The following TRPV2 variants were observed in gnomAD, a reference collection of about 807,000 sequenced individuals.
The protein encoded by TRPV2 is OTRPC2.
Under a neutral mutation model 91.0 loss-of-function variants are expected in TRPV2, and 58 were observed. The observed-to-expected ratio is 0.64, with a 90% CI of 0.52 to 0.79. TRPV2 has a LOEUF of 0.79. Among genes scored for constraint, TRPV2 ranks in the 30% least tolerant of loss-of-function variants. The probability of loss-of-function intolerance (pLI) is 0.00; values close to 1 mark genes in which losing one functional copy is unlikely to be tolerated. For missense variants in TRPV2, 807 were observed against 969.6 expected (o/e 0.83, Z 2.23); for synonymous variants, 417 against 414.8 (o/e 1.01, Z -0.06).
intron 8 of TRPV2, 39 bp from the exon 9 acceptor site, chr17:16,428,278 A>C (rs1434141237): frequency 1.2e-6 from 2 of 1,601,704 alleles, no homozygotes; most frequent in African/African-American, 2.7e-5. Context: ...CATGCGGGAG[A>C]GCAGGTTTCA....
intron 10 of TRPV2, among the ~76,000 whole-genome samples, chr17:16,429,189 T>C (rs547736483): frequency 2.0e-5 from 3 of 152,352 alleles, no homozygotes; most frequent in African/African-American, 7.2e-5. Context: ...CGTACATATG[T>C]GTGTTTGCAG....
intron 10 of TRPV2, among the ~76,000 whole-genome samples, chr17:16,431,011 T>C (rs1278016016): frequency 6.6e-6 from 1 of 151,680 alleles, no homozygotes; most frequent in Non-Finnish European, 1.5e-5. Context: ...ACAGTAGTTC[T>C]ATATTTTATT....
Position 16,434,952 on chromosome 17 carries a change from C to T in TRPV2, c.2177C>T (p.Ser726Leu), listed in dbSNP as rs2093429220. Residue 726 changes from serine (S) to leucine (L), a missense_variant, in exon 14 of 15, where the codon TCA (serine) becomes TTA (leucine). By Grantham distance (145) the Ser-to-Leu change is moderately radical. Transcript: ENST00000338560. The stretch of plus-strand genomic sequence containing the variant: ...CTGCCTACGCTGTGTGAGGACCCGT[C>T]AGGGGCAGGTGTCCCTCGTGAGTAG... ...QTLPTLCEDPSGAGVPRTLEN... is the reference protein window; with the variant it reads ...QTLPTLCEDPLGAGVPRTLEN... 1.2e-6 allele frequency: 2 copies of T among 1,610,428 alleles called. No individual in the cohort carries two copies. The highest frequency in any genetic ancestry group is 1.1e-5 in the South Asian group (1 of 90,450).
At chr17:16,417,264 T>C (rs1293598184) in intron 1 of TRPV2, among the ~76,000 whole-genome samples, 1 of 151,562 alleles carries the variant, frequency 6.6e-6, no homozygotes, top group East Asian at 1.9e-4. Context: ...AATTTTTTTT[T>C]TTTTTTTTTT....
At position 16,433,754 on chromosome 17, in the gene TRPV2, GCCC is replaced by G; in HGVS notation, c.2114+60_2114+62del. On this transcript the variant is annotated intron_variant, in intron 13 of 14. Coordinates refer to ENST00000338560, the MANE Select transcript of TRPV2 (RefSeq NM_016113.5). ...GCCTTGCTGTCCAGCAATCCCTGGG[GCCC>G]CCCTGCAGTGCAGGGCACAGCTGCC... is the stretch of plus-strand genomic sequence containing the variant. 2.5e-6 allele frequency: 4 copies of G among 1,597,146 alleles called. No homozygotes were observed. In the South Asian group the frequency reaches 4.5e-5, roughly 18 times the overall value.
In TRPV2 at chr17:16,435,648, TCCC is replaced by T. The variant is rs2093431488; in HGVS notation, c.2194+680_2194+682del. On this transcript the variant is annotated intron_variant, in intron 14 of 14. Coordinates refer to ENST00000338560, the MANE Select transcript of TRPV2 (RefSeq NM_016113.5). This position sits in a 1 kb window ranked among gnomAD's most constrained non-coding sequence, Gnocchi z 4.2. ...CTTTCTTTCTAGAACCTTCAATAGCTCCCACCTTCCACTGGTTCACCTCCTCTC... is the reference window on the plus strand; with the variant it reads ...CTTTCTTTCTAGAACCTTCAATAGCTACCTTCCACTGGTTCACCTCCTCTC... Among the ~76,000 whole-genome samples the T allele has an allele frequency of 6.6e-6, 1 of 151,974 alleles. No individual in the cohort carries two copies. The highest frequency in any genetic ancestry group is 2.4e-5 in the African/African-American group (1 of 41,354).
chr17:16,433,738 T>C (rs773777949), intron 13 of TRPV2, 40 bp downstream of exon 13: 2 of 1,606,178 alleles, frequency 1.2e-6, no homozygotes, highest in East Asian at 4.5e-5. Flanking sequence ...GGCCTTGCTG[T>C]CCAGCAATCC....
rs764814997 is a variant in TRPV2, at chr17:16,420,140, C to G, written c.226C>G (p.Arg76Gly). ...TCAGCCGGATCCAAACCGATTTGAC[C>G]GAGATCGGCTCTTCAATGCGGTCTC... ...ASQPDPNRFD[R>G]DRLFNAVSRG... is the part of the protein sequence containing the mutation. The change falls in exon 3 of 15, where the codon CGA (arginine) becomes GGA (glycine). Residue 76 changes from arginine (R) to glycine (G), a missense_variant. By Grantham distance (125) the Arg-to-Gly change is moderately radical (BLOSUM62 -2). Coordinates refer to ENST00000338560, the MANE Select transcript of TRPV2 (RefSeq NM_016113.5). 17 of 1,613,744 alleles carry G rather than the reference C, an allele frequency of 1.1e-5. 1 individual carries two copies. In the South Asian group the frequency reaches 1.9e-4, roughly 18 times the overall value.
intron 1 of TRPV2, 84 bp from the exon 2 acceptor site, chr17:16,417,478 C>G: frequency 1.8e-6 from 1 of 555,214 alleles, no homozygotes; most frequent in South Asian, 2.0e-5. Flanking sequence ...AGCTGACCAG[C>G]CAGCCTCAGC....
In TRPV2 at chr17:16,422,868, C is replaced by G; in HGVS notation, c.604C>G (p.Gln202Glu). ...CTGCGGCCGCTTCTTCCAGAAGGGC[C>G]AAGGGACTTGCTTTTATTTCGGTGA... ...RACGRFFQKGQGTCFYFGELP... is the reference protein window; with the variant it reads ...RACGRFFQKGEGTCFYFGELP... The change falls in exon 4 of 15, where the codon CAA (glutamine) becomes GAA (glutamate). Residue 202 changes from glutamine to glutamate, a missense_variant. Gln to Glu is a conservative substitution (Grantham distance 29). Transcript: ENST00000338560. 1.3e-6 allele frequency: 2 copies of G among 1,566,300 alleles called. No homozygotes were observed. Among genetic ancestry groups the G allele is most frequent in the South Asian group, 1.2e-5 (1 of 85,536 alleles).
rs980104777 is a variant in TRPV2, at chr17:16,426,935, TG to T, written c.1251+63del. 6.4e-7 allele frequency: 1 copy of T among 1,556,060 alleles called. No homozygotes were observed. Among genetic ancestry groups the T allele is most frequent in the Non-Finnish European group, 8.7e-7 (1 of 1,149,244 alleles). On this transcript the variant is annotated intron_variant, in intron 7 of 14. Transcript: ENST00000338560. This position sits in a 1 kb window ranked among gnomAD's most constrained non-coding sequence, Gnocchi z 6.0. ...GGGGGAGGCCTGCTTGAAACAACCC[TG>T]GGGGAAGATGGGGCAGTAATAGTGC...
chr17:16,431,894 G>A (rs2093414420), intron 11 of TRPV2, 44 bp downstream of exon 11: 1 of 1,613,346 alleles, frequency 6.2e-7, no homozygotes, highest in South Asian at 1.1e-5. Flanking sequence ...CACGTTCCTT[G>A]TCCACCCTGT....
chr17:16,431,272 TA>T (rs2093408867), intron 10 of TRPV2, among the ~76,000 whole-genome samples: 1 of 75,390 alleles, frequency 1.3e-5, no homozygotes, highest in Non-Finnish European at 2.5e-5. Flanking sequence ...TATATATATA[TA>T]TATATATATA....
At chr17:16,423,399 C>T in intron 4 of TRPV2, 70 bp from the exon 5 acceptor site, 1 of 1,513,032 alleles carries the variant, frequency 6.6e-7, no homozygotes, top group East Asian at 2.3e-5. Flanking sequence ...GCCTTTTGTC[C>T]AAGGAGCATG....
At chr17:16,428,514 C>G in intron 9 of TRPV2, 127 bp downstream of exon 9, 1 of 1,021,262 alleles carries the variant, frequency 9.8e-7, no homozygotes, top group South Asian at 1.4e-5. Context: ...GATCTGTGTA[C>G]AGGCCAGTCC....
At position 16,422,496 on chromosome 17, in the gene TRPV2, C is replaced by T. The variant is rs1180737812; in HGVS notation, c.335-103C>T. 9.9e-6 allele frequency: 12 copies of T among 1,210,246 alleles called. No homozygotes were observed. The Admixed American group carries it at 1.8e-4, about 18-fold the overall frequency. 75.0% of individuals were successfully genotyped at this position (1,210,246 alleles called of 1,614,324 possible). On this transcript the variant is annotated intron_variant, in intron 3 of 14. Transcript: ENST00000338560. ...GTTATGTGTAGCATCTCTTTTAATCCTCCCAAGGGGTACTTTGAGCTGGGC... is the reference window on the plus strand; with the variant it reads ...GTTATGTGTAGCATCTCTTTTAATCTTCCCAAGGGGTACTTTGAGCTGGGC...
At position 16,428,816 on chromosome 17, in the gene TRPV2, G is replaced by A. The variant is rs755928018; in HGVS notation, c.1422-1G>A. 6.2e-7 allele frequency: 1 copy of A among 1,613,022 alleles called. No individual in the cohort carries two copies. Among genetic ancestry groups the A allele is most frequent in the African/African-American group, 1.3e-5 (1 of 75,030 alleles). On this transcript the variant is annotated splice_acceptor_variant, in intron 9 of 14. Transcript: ENST00000338560. LOFTEE classifies it high-confidence loss of function. ...CCCACCTGGATTCTGCTCCCACACA[G>A]CCTGTTCCAGGCCCTGCTCACAGTG...
chr17:16,433,278 G>GGAAC (rs1186695692), intron 12 of TRPV2: 1 of 302,128 alleles, frequency 3.3e-6, no homozygotes, highest in Non-Finnish European at 6.3e-6. Flanking sequence ...TCTGGAGCCT[G>GGAAC]GAACGATGTA....
At chr17:16,428,586 T>G in intron 9 of TRPV2, 199 bp downstream of exon 9, 1 of 707,506 alleles carries the variant, frequency 1.4e-6, no homozygotes. Flanking sequence ...TAGATGGTGA[T>G]AGTGACATTT....
Sources: gnomAD v4.1 joint callset for allele counts (sites outside exome capture counted in the v4.1 genomes callset) on GRCh38, gnomAD v4.1.1 for gene constraint, Gnocchi (gnomAD v3.1) non-coding constraint, MANE v1.5 for transcripts, NCBI Gene and HGNC (gene_info 2026-07-23, HGNC 2026-07-21) for gene names.